TMEM134: variants seen among roughly 807,000 people sequenced by gnomAD.
TMEM134 encodes the protein transmembrane protein 134.
Under a neutral mutation model 26.2 loss-of-function variants are expected in TMEM134, and 36 were observed. That is an observed-to-expected ratio of 1.37 (90% CI 1.05 to 1.81). TMEM134 has a LOEUF of 1.81. TMEM134 is among the 40% of genes most tolerant of loss of function. The probability of loss-of-function intolerance (pLI) is 0.00; values close to 1 mark genes in which losing one functional copy is unlikely to be tolerated. For missense variants in TMEM134, 339 were observed against 263.5 expected (o/e 1.29, Z -1.98); for synonymous variants, 133 against 113.6 (o/e 1.17, Z -1.08).
At chr11:67,465,376 C>T in intron 4 of TMEM134, 1 of 779,286 alleles carries the variant, frequency 1.3e-6, no homozygotes, top group Non-Finnish European at 1.8e-6. Flanking sequence ...CTGGGAATTC[C>T]GCCCTGAAGG....
chr11:67,467,575 A>G lies in TMEM134; in HGVS notation c.255T>C (p.Thr85=). The change falls in exon 3 of 7, where the codon ACT becomes ACC. Residue 85 remains threonine (T), a synonymous_variant. Transcript: ENST00000308022. ...GGVGTRDSSR[T]SIRSSQWSFS... Reference sequence around the variant, plus strand: ...AGGACCACTGGGAGCTGCGGATGGAAGTTCGGCTGGAATCCCTGCCAGGAC... The same window carrying G: ...AGGACCACTGGGAGCTGCGGATGGAGGTTCGGCTGGAATCCCTGCCAGGAC... The G allele has an allele frequency of 6.2e-7, 1 of 1,614,012 alleles. No individual in the cohort carries two copies. Among genetic ancestry groups the G allele is most frequent in the Non-Finnish European group, 8.5e-7 (1 of 1,180,022 alleles).
Position 67,461,825 on chromosome 11 carries a change from A to T in TMEM134, c.*2789T>A, listed in dbSNP as rs1490778826. On this transcript the variant is annotated 3_prime_UTR_variant, in exon 7 of 7. Transcript: ENST00000308022. ...TCTTATTATTCTTTGACTTTTCTCC[A>T]ACCATTACAAAATATAAAAACCACT... is the stretch of plus-strand genomic sequence containing the variant. 3 of 152,224 alleles carry T rather than the reference A, an allele frequency of 2.0e-5. No homozygotes were observed. The highest frequency in any genetic ancestry group is 4.4e-5 in the Non-Finnish European group (3 of 68,038). 9.4% of individuals were successfully genotyped at this position (152,224 alleles called of 1,614,324 possible).
Position 67,467,603 on chromosome 11 carries a change from G to A in TMEM134, c.240-13C>T. 6.2e-7 allele frequency: 1 copy of A among 1,613,700 alleles called. No homozygotes were observed. Among genetic ancestry groups the A allele is most frequent in the Non-Finnish European group, 8.5e-7 (1 of 1,179,930 alleles). On this transcript the variant is annotated splice_polypyrimidine_tract_variant and intron_variant, in intron 2 of 6. Transcript: ENST00000308022. ...TCGGCTGGAATCCCTGCCAGGACAG[G>A]CGCCCAGTGAGGGGCAGGGAGGCAA...
Position 67,467,296 on chromosome 11 carries a change from C to T in TMEM134, c.406+16G>A, listed in dbSNP as rs1865317653. The T allele has an allele frequency of 2.5e-6, 4 of 1,613,264 alleles. No homozygotes were observed. The highest frequency in any genetic ancestry group is 3.3e-5 in the Admixed American group (2 of 60,016). ...CCACGGGGCCCCTCTTGACCCCAACCCTCAGGGCCACTCACCCAGCCCCAG... is the reference window on the plus strand; with the variant it reads ...CCACGGGGCCCCTCTTGACCCCAACTCTCAGGGCCACTCACCCAGCCCCAG... On this transcript the variant is annotated intron_variant, in intron 4 of 6. Coordinates refer to ENST00000308022, the MANE Select transcript of TMEM134 (RefSeq NM_025124.4).
At chr11:67,467,701 G>T (rs997152264) in intron 2 of TMEM134, 111 bp from the exon 3 acceptor site, 1 of 1,100,228 alleles carries the variant, frequency 9.1e-7, no homozygotes, top group Non-Finnish European at 1.4e-6. Context: ...CTGGCCCCTT[G>T]CAGGATAGTG....
intron 4 of TMEM134, chr11:67,467,057 A>C (rs1865299693): frequency 3.5e-6 from 2 of 573,494 alleles, no homozygotes. Flanking sequence ...AAACAGGTTA[A>C]ATTTTTTAAA....
chr11:67,462,172 A>C lies in TMEM134; in HGVS notation c.*2442T>G, dbSNP rs938652017. On this transcript the variant is annotated 3_prime_UTR_variant, in exon 7 of 7. Coordinates refer to ENST00000308022, the MANE Select transcript of TMEM134 (RefSeq NM_025124.4). ...GAGACAGTGAGACTCGTCTCAAAAA[A>C]AAAACAAAAAAAAAAAAAACAAGGA... The C allele has an allele frequency of 1.2e-4, 13 of 108,188 alleles. No homozygotes were observed. Among genetic ancestry groups the C allele is most frequent in the African/African-American group, 4.6e-4 (8 of 17,546 alleles). The allele number at this position is 108,188 out of a possible 1,614,324, so 6.7% of individuals were successfully genotyped here. A position where few individuals can be genotyped will look rare whatever the true frequency, so the allele number is the denominator to read the frequency against.
At position 67,467,495 on chromosome 11, in the gene TMEM134, G is replaced by A. The variant is rs1414065817; in HGVS notation, c.329+6C>T. The A allele has an allele frequency of 1.2e-6, 2 of 1,613,798 alleles. No individual in the cohort carries two copies. The highest frequency in any genetic ancestry group is 1.3e-5 in the African/African-American group (1 of 74,924). ...CTCGGCTGGGGGCTTAGGCGGGCAG[G>A]CTCACCTGCAGCAGGTGTTGTAGGA... On this transcript the variant is annotated splice_donor_region_variant and intron_variant, in intron 3 of 6. Transcript: ENST00000308022.
Position 67,468,108 on chromosome 11 carries a change from G to A in TMEM134, c.175-16C>T. ...TCTCCAGGTTCTGTTGCAGAACACAGGTCTCAGGGGGGTTGCTGGGCTGGG... is the reference window on the plus strand; with the variant it reads ...TCTCCAGGTTCTGTTGCAGAACACAAGTCTCAGGGGGGTTGCTGGGCTGGG... On this transcript the variant is annotated splice_polypyrimidine_tract_variant and intron_variant, in intron 1 of 6. Coordinates refer to ENST00000308022, the MANE Select transcript of TMEM134 (RefSeq NM_025124.4). 1 of 1,556,226 alleles carries A rather than the reference G, an allele frequency of 6.4e-7. No individual in the cohort carries two copies. The highest frequency in any genetic ancestry group is 8.7e-7 in the Non-Finnish European group (1 of 1,149,290).
chr11:67,464,939 G>A, intron 5 of TMEM134, 83 bp from the exon 6 acceptor site: 1 of 1,558,062 alleles, frequency 6.4e-7, no homozygotes, highest in South Asian at 1.1e-5. Context: ...GCCCGGGCAA[G>A]CCTCACTCCC....
rs1343395854 is a variant in TMEM134, at chr11:67,464,605, G to A, written c.*9C>T. 1.3e-6 allele frequency: 2 copies of A among 1,551,864 alleles called. No individual in the cohort carries two copies. The highest frequency in any genetic ancestry group is 8.7e-7 in the Non-Finnish European group (1 of 1,147,048). On this transcript the variant is annotated 3_prime_UTR_variant, in exon 7 of 7. Transcript: ENST00000308022. Reference sequence around the variant, plus strand: ...CCCATGGGCGCAAGGGGTCCACGCTGCGCCGCGATCACTTCTCGAAGTAGG... The same window carrying A: ...CCCATGGGCGCAAGGGGTCCACGCTACGCCGCGATCACTTCTCGAAGTAGG...
intron 2 of TMEM134, 102 bp from the exon 3 acceptor site, chr11:67,467,692 T>C (rs1865361667): frequency 8.2e-7 from 1 of 1,222,954 alleles, no homozygotes; most frequent in Non-Finnish European, 1.2e-6. Context: ...GGACTGGGGC[T>C]GGCCCCTTGC....
At chr11:67,467,646 G>C in intron 2 of TMEM134, 56 bp from the exon 3 acceptor site, 1 of 1,549,564 alleles carries the variant, frequency 6.5e-7, no homozygotes, top group Non-Finnish European at 8.9e-7. Context: ...GTTGCTTTGG[G>C]ACAGGAGTCC....
rs904306048 is a variant in TMEM134, at chr11:67,462,662, T to G, written c.*1952A>C. 1.3e-5 allele frequency: 2 copies of G among 151,632 alleles called. No individual in the cohort carries two copies. The highest frequency in any genetic ancestry group is 1.9e-4 in the East Asian group (1 of 5,180). The allele number at this position is 151,632 out of a possible 1,614,324, so 9.4% of individuals were successfully genotyped here. ...GCCACCACGCCCAGCCTCTGTATGTTTTTTATTTCATTTTTCTAGTTTTTA... is the reference window on the plus strand; with the variant it reads ...GCCACCACGCCCAGCCTCTGTATGTGTTTTATTTCATTTTTCTAGTTTTTA... On this transcript the variant is annotated 3_prime_UTR_variant, in exon 7 of 7. Transcript: ENST00000308022.
chr11:67,464,624 A>G lies in TMEM134; in HGVS notation c.578T>C (p.Phe193Ser). The change falls in exon 7 of 7, where the codon TTC (phenylalanine) becomes TCC (serine). Residue 193 changes from phenylalanine (F) to serine (S), a missense_variant. Transcript: ENST00000308022. Reference sequence around the variant, plus strand: ...CACGCTGCGCCGCGATCACTTCTCGAAGTAGGGCAGGTAGAAGAACTGGAA... The same window carrying G: ...CACGCTGCGCCGCGATCACTTCTCGGAGTAGGGCAGGTAGAAGAACTGGAA... ...RGFQFFYLPY[F>S]EK 1 of 1,552,450 alleles carries G rather than the reference A, an allele frequency of 6.4e-7. No homozygotes were observed. Among genetic ancestry groups the G allele is most frequent in the Non-Finnish European group, 8.7e-7 (1 of 1,147,336 alleles).
chr11:67,466,185 A>G (rs1865231756), intron 4 of TMEM134: 1 of 151,966 alleles, frequency 6.6e-6, no homozygotes, highest in African/African-American at 2.4e-5. Flanking sequence ...TCTCTACTAA[A>G]AAAATACAAA....
rs756426687 is a variant in TMEM134 at position 67,464,818 on chromosome 11, A to G, written c.490T>C (p.Leu164=). 1.9e-6 allele frequency: 3 copies of G among 1,609,844 alleles called. No homozygotes were observed. The highest frequency in any genetic ancestry group is 4.5e-5 in the East Asian group (2 of 44,846). Reference sequence around the variant, plus strand: ...CCGCTCGCACCTCCAGGCACCAACAACAGGAAGCCCGGCACGAAGAAGATG... The same window carrying G: ...CCGCTCGCACCTCCAGGCACCAACAGCAGGAAGCCCGGCACGAAGAAGATG... The part of the protein sequence containing the change: ...SAIFFVPGFL[L]LVPGVYHVIF... Residue 164 remains leucine (L), a synonymous_variant, in exon 6 of 7, where the codon TTG becomes CTG. Coordinates refer to ENST00000308022, the MANE Select transcript of TMEM134 (RefSeq NM_025124.4).
chr11:67,464,706 G>A lies in TMEM134; in HGVS notation c.506-10C>T, dbSNP rs1463425642. The A allele has an allele frequency of 1.9e-6, 3 of 1,551,868 alleles. No homozygotes were observed. Among genetic ancestry groups the A allele is most frequent in the African/African-American group, 1.4e-5 (1 of 73,188 alleles). On this transcript the variant is annotated splice_polypyrimidine_tract_variant and intron_variant, in intron 6 of 6. Transcript: ENST00000308022. ...AAGATCACGTGATAGACTGCGGGGC[G>A]GGGCCTGTCAGCGCAGAAGCCCCGC...
chr11:67,464,919 G>C (rs1184321979), intron 5 of TMEM134, 63 bp from the exon 6 acceptor site: 1 of 1,582,208 alleles, frequency 6.3e-7, no homozygotes, highest in African/African-American at 1.3e-5. Flanking sequence ...CTTCCGGGCT[G>C]CCGCTGACTG....
Sources: allele counts gnomAD v4.1 joint callset, GRCh38; gene constraint gnomAD v4.1.1; transcripts MANE v1.5; gene names NCBI Gene and HGNC (gene_info 2026-07-23, HGNC 2026-07-21).